Variants in BICD1 observed in about 807,000 individuals in gnomAD.
BICD1 encodes BICD cargo adaptor 1, also known as protein bicaudal D homolog 1.
Under a neutral mutation model 92.5 loss-of-function variants are expected in BICD1, and 35 were observed. The observed-to-expected ratio is 0.38, with a 90% CI of 0.29 to 0.50. BICD1 has a LOEUF of 0.50. Ranked by LOEUF, BICD1 falls within the 20% of genes least tolerant of loss-of-function variation. BICD1 has a pLI of 0.93. For missense variants in BICD1, 950 were observed against 1,189.8 expected, an observed-to-expected ratio of 0.80 and a Z score of 2.97; for synonymous variants, 429 against 465.1, an observed-to-expected ratio of 0.92 and a Z score of 1.00.
intron 8 of BICD1, among the ~76,000 whole-genome samples, chr12:32,347,130 T>C (rs1334780666): frequency 6.6e-6 from 1 of 151,420 alleles, no homozygotes; most frequent in Non-Finnish European, 1.5e-5. Flanking sequence ...TTTGTATTTT[T>C]AGTAGAGACA....
intron 1 of BICD1, among the ~76,000 whole-genome samples, chr12:32,201,826 T>C (rs1249325843): frequency 6.6e-6 from 1 of 152,124 alleles, no homozygotes; most frequent in Non-Finnish European, 1.5e-5. Context: ...GAGAATTTAT[T>C]TCGGGTTATA....
At chr12:32,201,451 TCA>T (rs1250014459) in intron 1 of BICD1, among the ~76,000 whole-genome samples, 1 of 151,828 alleles carries the variant, frequency 6.6e-6, no homozygotes, top group African/African-American at 2.4e-5. Flanking sequence ...GCATAGGCAC[TCA>T]GTAAATATTG....
intron 5 of BICD1, chr12:32,333,337 C>T (rs1327171789): frequency 2.2e-6 from 2 of 911,634 alleles, no homozygotes; most frequent in Admixed American, 1.2e-4. Flanking sequence ...TGAGTAAAGT[C>T]TCATTTTAAT....
chr12:32,311,084 GTGACCA>G (rs1948362308), intron 4 of BICD1, among the ~76,000 whole-genome samples: 1 of 152,230 alleles, frequency 6.6e-6, no homozygotes, highest in Non-Finnish European at 1.5e-5. Flanking sequence ...CCAAGTATGA[GTGACCA>G]TGGCCTGTGA....
intron 1 of BICD1, among the ~76,000 whole-genome samples, chr12:32,153,783 G>GTGTGTGTACATATATATATATA (rs1943358331): frequency 7.0e-6 from 1 of 142,412 alleles, no homozygotes; most frequent in Non-Finnish European, 1.5e-5. Flanking sequence ...ATATATATAT[G>GTGTGTGTACATATATATATATA]TGTGTGTGTG....
chr12:32,176,408 A>G, intron 1 of BICD1, among the ~76,000 whole-genome samples: 1 of 152,138 alleles, frequency 6.6e-6, no homozygotes, highest in East Asian at 1.9e-4. Context: ...TTGAGGTATC[A>G]TTTACATTGA....
At chr12:32,185,888 T>C (rs1944411846) in intron 1 of BICD1, among the ~76,000 whole-genome samples, 1 of 152,154 alleles carries the variant, frequency 6.6e-6, no homozygotes, top group Non-Finnish European at 1.5e-5. Flanking sequence ...CCTGGGTTGA[T>C]AGGAAGATGG....
chr12:32,292,790 C>A (rs989760736), intron 2 of BICD1, among the ~76,000 whole-genome samples: 2 of 152,112 alleles, frequency 1.3e-5, no homozygotes, highest in Non-Finnish European at 2.9e-5. Context: ...GGAAACAAAT[C>A]TAATTAATCC....
chr12:32,174,658 T>G lies in BICD1; in HGVS notation c.214-41589T>G, dbSNP rs560875912. Among the ~76,000 whole-genome samples the G allele has an allele frequency of 3.6e-4, 55 of 152,354 alleles. 1 individual carries two copies. The highest frequency in any genetic ancestry group is 1.2e-3 in the African/African-American group (49 of 41,598). On this transcript the variant is annotated intron_variant, in intron 1 of 9. Coordinates refer to ENST00000652176, the MANE Select transcript of BICD1 (RefSeq NM_001714.4). ...ATCTTTTCCCAGATTTTCTGTTCTATTCCCACTGATGTATTTACAGGCCAG... is the reference window on the plus strand; with the variant it reads ...ATCTTTTCCCAGATTTTCTGTTCTAGTCCCACTGATGTATTTACAGGCCAG...
chr12:32,295,348 G>A (rs550151282), intron 3 of BICD1, among the ~76,000 whole-genome samples: 10 of 152,240 alleles, frequency 6.6e-5, no homozygotes, highest in African/African-American at 1.9e-4. Flanking sequence ...TTCTTTTCAA[G>A]GTGCTTCCTC....
intron 4 of BICD1, among the ~76,000 whole-genome samples, chr12:32,324,200 C>T (rs1042559647): frequency 6.6e-6 from 1 of 151,904 alleles, no homozygotes; most frequent in South Asian, 2.1e-4. Context: ...ACTAAAAATA[C>T]AAAAATTAGC....
intron 2 of BICD1, among the ~76,000 whole-genome samples, chr12:32,269,784 G>T (rs1947088046): frequency 6.6e-6 from 1 of 152,014 alleles, no homozygotes; most frequent in African/African-American, 2.4e-5. Flanking sequence ...GCTTAAAATT[G>T]GTTTGTTTTG....
intron 4 of BICD1, among the ~76,000 whole-genome samples, chr12:32,316,665 G>A (rs929404853): frequency 9.9e-5 from 15 of 151,786 alleles, no homozygotes; most frequent in Non-Finnish European, 1.6e-4. Flanking sequence ...AAGTTGAGGA[G>A]CATCTGTATA....
chr12:32,159,885 A>G (rs1345454584), intron 1 of BICD1, among the ~76,000 whole-genome samples: 1 of 118,180 alleles, frequency 8.5e-6, no homozygotes, highest in African/African-American at 2.8e-5. Context: ...AAATTACAAA[A>G]CTGCCTGCCT....
At chr12:32,299,367 G>A (rs928382975) in intron 3 of BICD1, among the ~76,000 whole-genome samples, 9 of 152,146 alleles carry the variant, frequency 5.9e-5, no homozygotes. Flanking sequence ...TTACAACAAC[G>A]GCACAGAAAG....
At chr12:32,203,122 T>C (rs1176432997) in intron 1 of BICD1, among the ~76,000 whole-genome samples, 1 of 152,198 alleles carries the variant, frequency 6.6e-6, no homozygotes, top group Non-Finnish European at 1.5e-5. Flanking sequence ...AAATGGTGCA[T>C]GGGAAATTGA....
chr12:32,195,667 G>A (rs1051258390), intron 1 of BICD1, among the ~76,000 whole-genome samples: 3 of 152,130 alleles, frequency 2.0e-5, no homozygotes, highest in Non-Finnish European at 2.9e-5. Context: ...ATTTGAAATC[G>A]TAAAAGTCTT....
chr12:32,360,673 T>C (rs933225182), intron 8 of BICD1, among the ~76,000 whole-genome samples: 12 of 152,168 alleles, frequency 7.9e-5, no homozygotes, highest in Non-Finnish European at 1.6e-4. Flanking sequence ...AAATCAATTC[T>C]AGAGGATAAT....
chr12:32,183,658 A>T (rs896396098), intron 1 of BICD1, among the ~76,000 whole-genome samples: 1 of 152,224 alleles, frequency 6.6e-6, no homozygotes, highest in Admixed American at 6.5e-5. Flanking sequence ...TCTGAGAATG[A>T]CCTTGCATGG....
Sources: gnomAD v4.1 joint callset for allele counts (sites outside exome capture counted in the v4.1 genomes callset) on GRCh38, gnomAD v4.1.1 for gene constraint, MANE v1.5 for transcripts, NCBI Gene and HGNC (gene_info 2026-07-23, HGNC 2026-07-21) for gene names.